Variants in SMOC2 observed in about 807,000 individuals in gnomAD.
SMOC2 encodes the protein SPARC related modular calcium binding 2.
Under a neutral mutation model 61.4 loss-of-function variants are expected in SMOC2, and 39 were observed. The ratio of observed to expected loss-of-function variants is 0.64; its 90% CI spans 0.49 to 0.83. The LOEUF (loss-of-function observed/expected upper bound fraction) is 0.83. Among genes scored for constraint, SMOC2 ranks in the 40% least tolerant of loss-of-function variants. The probability of loss-of-function intolerance (pLI) is 0.00; values close to 1 mark genes in which losing one functional copy is unlikely to be tolerated. For missense variants in SMOC2, 556 were observed against 592.9 expected (o/e 0.94, Z 0.65); for synonymous variants, 247 against 239.9 (o/e 1.03, Z -0.27).
At position 168,540,951 on chromosome 6, in the gene SMOC2, AG is replaced by A. The variant is rs570125232; in HGVS notation, c.464-2672del. ...CACTCACCTGGGAAGGGCGTCTGGAAGGAGCTTATGCAAACCACTGCCTCCA... is the reference window on the plus strand; with the variant it reads ...CACTCACCTGGGAAGGGCGTCTGGAAGAGCTTATGCAAACCACTGCCTCCA... On this transcript the variant is annotated intron_variant, in intron 4 of 12. Coordinates refer to ENST00000356284, the MANE Select transcript of SMOC2 (RefSeq NM_001166412.2). 1.6e-4 allele frequency among the ~76,000 whole-genome samples: 24 copies of A among 152,240 alleles called. No individual in the cohort carries two copies. In the South Asian group the frequency reaches 4.6e-3, roughly 29 times the overall value.
At chr6:168,441,813 C>G (rs1010722916) in intron 1 of SMOC2, among the ~76,000 whole-genome samples, 1 of 152,168 alleles carries the variant, frequency 6.6e-6, no homozygotes, top group African/African-American at 2.4e-5. Flanking sequence ...TGCGGGTGCG[C>G]TCGGGTGTCC....
chr6:168,651,121 G>T (rs1787181677), intron 10 of SMOC2, among the ~76,000 whole-genome samples: 1 of 152,218 alleles, frequency 6.6e-6, no homozygotes, highest in Admixed American at 6.5e-5. Flanking sequence ...GCACTTTAGA[G>T]TCATCGATTG....
At chr6:168,599,776 C>T (rs79321394) in intron 8 of SMOC2, among the ~76,000 whole-genome samples, 2 of 88,422 alleles carry the variant, frequency 2.3e-5, no homozygotes, top group African/African-American at 9.7e-5. Flanking sequence ...AAACACCCCC[C>T]CACACACAAA....
chr6:168,554,064 CT>C lies in SMOC2; in HGVS notation c.637+4867del, dbSNP rs771222817. ...GTGCCCCTTCCCCACCAGGTATCAGCTTTTTTCACATTTTGGTAGGAGGATT... is the reference window on the plus strand; with the variant it reads ...GTGCCCCTTCCCCACCAGGTATCAGCTTTTTCACATTTTGGTAGGAGGATT... On this transcript the variant is annotated intron_variant, in intron 7 of 12. Transcript: ENST00000356284. 7.2e-5 allele frequency among the ~76,000 whole-genome samples: 10 copies of C among 139,780 alleles called. No individual in the cohort carries two copies. The East Asian group carries it at 1.2e-3, about 17-fold the overall frequency. The allele number at this position is 139,780 out of a possible 152,430, so 91.7% of individuals were successfully genotyped here.
chr6:168,500,230 C>T (rs200357155), intron 1 of SMOC2, among the ~76,000 whole-genome samples: 27 of 143,070 alleles, frequency 1.9e-4, no homozygotes, highest in African/African-American at 4.2e-4. Flanking sequence ...GAGGTTGCAG[C>T]GAGCCCAGAT....
At chr6:168,660,419 G>A (rs1047528069) in intron 11 of SMOC2, among the ~76,000 whole-genome samples, 4 of 152,212 alleles carry the variant, frequency 2.6e-5, no homozygotes, top group East Asian at 3.8e-4. Flanking sequence ...TCTCAGTAGC[G>A]CTGGGAGAAA....
rs370160406 is a variant in SMOC2, at chr6:168,527,617, C to G, written c.364-11C>G. On this transcript the variant is annotated splice_polypyrimidine_tract_variant and intron_variant, in intron 3 of 12. Transcript: ENST00000356284. ...CCCGGGAGGGCTTACCCGTCCTGTG[C>G]TCTCTCGCAGGTCCAGTGTCACAGC... 6.5e-7 allele frequency: 1 copy of G among 1,546,010 alleles called. No homozygotes were observed. Among genetic ancestry groups the G allele is most frequent in the African/African-American group, 1.4e-5 (1 of 73,112 alleles).
intron 1 of SMOC2, among the ~76,000 whole-genome samples, chr6:168,444,512 T>C (rs952227765): frequency 5.3e-5 from 8 of 152,204 alleles, no homozygotes; most frequent in Admixed American, 2.6e-4. Context: ...GTGTCTCTCA[T>C]TGTGACTTTC....
intron 7 of SMOC2, among the ~76,000 whole-genome samples, chr6:168,571,915 G>A (rs1190896829): frequency 8.7e-5 from 4 of 46,150 alleles, no homozygotes; most frequent in Admixed American, 1.9e-4. Context: ...CCCTGAACGC[G>A]ATGTTCACTT....
chr6:168,552,944 A>G (rs1784163665), intron 7 of SMOC2, among the ~76,000 whole-genome samples: 1 of 151,982 alleles, frequency 6.6e-6, no homozygotes, highest in African/African-American at 2.4e-5. Context: ...GAAAATTTGC[A>G]CATAGTAGCT....
intron 1 of SMOC2, among the ~76,000 whole-genome samples, chr6:168,490,323 A>G (rs6913770): frequency 0.024 from 3,602 of 152,314 alleles, 133 homozygotes; most frequent in African/African-American, 0.082. Context: ...AGAATGAAAT[A>G]TATCGGGGAG....
intron 9 of SMOC2, among the ~76,000 whole-genome samples, chr6:168,612,241 A>T (rs1562381266): frequency 7.2e-6 from 1 of 138,890 alleles, no homozygotes. Flanking sequence ...TGCAGCCTTT[A>T]CTCAAACAGC....
rs6926048 is a variant in SMOC2 at position 168,649,456 on chromosome 6, A to G, written c.908-1225A>G. Among the ~76,000 whole-genome samples the G allele has an allele frequency of 9.2e-3, 1,407 of 152,212 alleles. 31 individuals are homozygous for G. Among genetic ancestry groups the G allele is most frequent in the African/African-American group, 0.032 (1,344 of 41,530 alleles). ...GGAGTCTGAGAGTGCAGCGTGGCTCAGTGGGGACGCTGTCCCTCCAGGGCT... is the reference window on the plus strand; with the variant it reads ...GGAGTCTGAGAGTGCAGCGTGGCTCGGTGGGGACGCTGTCCCTCCAGGGCT... On this transcript the variant is annotated intron_variant, in intron 9 of 12. Transcript: ENST00000356284.
At chr6:168,546,685 G>A (rs898525937) in intron 5 of SMOC2, among the ~76,000 whole-genome samples, 1 of 152,140 alleles carries the variant, frequency 6.6e-6, no homozygotes. Context: ...AACAGAGGAT[G>A]TGTTAAGGGC....
At chr6:168,596,357 G>A (rs1382720603) in intron 7 of SMOC2, among the ~76,000 whole-genome samples, 1 of 147,578 alleles carries the variant, frequency 6.8e-6, no homozygotes, top group African/African-American at 2.5e-5. Context: ...CGGCAGTGAT[G>A]AGTTTCCTGG....
chr6:168,473,809 T>C (rs894513635), intron 1 of SMOC2, among the ~76,000 whole-genome samples: 1 of 152,040 alleles, frequency 6.6e-6, no homozygotes, highest in African/African-American at 2.4e-5. Flanking sequence ...TTGGCACTAG[T>C]GTCTTGTGTG....
chr6:168,509,362 C>A (rs1424732338), intron 1 of SMOC2, among the ~76,000 whole-genome samples: 2 of 152,170 alleles, frequency 1.3e-5, no homozygotes, highest in Admixed American at 1.3e-4. Flanking sequence ...ATTCAAAGAA[C>A]AATAGTCCAA....
At position 168,475,622 on chromosome 6, in the gene SMOC2, G is replaced by A. The variant is rs1237306978; in HGVS notation, c.84+34168G>A. Among the ~76,000 whole-genome samples the A allele has an allele frequency of 6.6e-6, 1 of 152,164 alleles. No homozygotes were observed. The highest frequency in any genetic ancestry group is 1.9e-4 in the East Asian group (1 of 5,190). On this transcript the variant is annotated intron_variant, in intron 1 of 12. Coordinates refer to ENST00000356284, the MANE Select transcript of SMOC2 (RefSeq NM_001166412.2). This position sits in a 1 kb window ranked among gnomAD's most constrained non-coding sequence, Gnocchi z 4.6. ...AGTGTCAGGACTGAGACAGGAGGGT[G>A]AGTCCAGAGCGGGGACAGAGGACGA...
chr6:168,520,219 G>A (rs947764708), intron 2 of SMOC2, among the ~76,000 whole-genome samples: 8 of 152,214 alleles, frequency 5.3e-5, no homozygotes, highest in African/African-American at 1.9e-4. Flanking sequence ...GCTGGAGAGT[G>A]TTGCAGCATG....
Sources: allele counts gnomAD v4.1 joint callset (sites outside exome capture counted in the v4.1 genomes callset), GRCh38; gene constraint gnomAD v4.1.1; non-coding constraint Gnocchi (gnomAD v3.1); transcripts MANE v1.5; gene names NCBI Gene and HGNC (gene_info 2026-07-23, HGNC 2026-07-21).